Variants in LRRTM4 observed in about 807,000 individuals in gnomAD.
The protein encoded by LRRTM4 is leucine rich repeat transmembrane neuronal 4, also known as leucine-rich repeat transmembrane neuronal protein 4.
A neutral mutation model predicts 47.6 loss-of-function variants in LRRTM4; 25 were observed. The observed-to-expected ratio is 0.53, with a 90% CI of 0.38 to 0.73. The LOEUF (loss-of-function observed/expected upper bound fraction) is 0.73. Among genes scored for constraint, LRRTM4 ranks in the 30% least tolerant of loss-of-function variants. The pLI, the probability that LRRTM4 is intolerant of heterozygous loss-of-function variation, is 0.00. For synonymous variants in LRRTM4, 311 were observed against 269.5 expected (o/e 1.15, Z -1.51); for missense variants, 638 against 713.4 (o/e 0.89, Z 1.20).
chr2:76,861,745 G>T (rs76236040), intron 3 of LRRTM4, among the ~76,000 whole-genome samples: 6,014 of 152,218 alleles, frequency 0.04, 385 homozygotes, highest in African/African-American at 0.14. Flanking sequence ...AAGCCTTTTA[G>T]TGCTTATAAC....
intron 3 of LRRTM4, among the ~76,000 whole-genome samples, chr2:76,928,878 A>T (rs1674673718): frequency 6.6e-6 from 1 of 152,158 alleles, no homozygotes. Flanking sequence ...ATAAAATCAT[A>T]TTAATATATT....
In LRRTM4 at chr2:76,981,534, G is replaced by A. The variant is rs543391779; in HGVS notation, c.1552-232618C>T. On this transcript the variant is annotated intron_variant, in intron 3 of 3. Transcript: ENST00000409884. ...GTTTTGGATAGGATCTTGCTCTGTC[G>A]CCTAGACTGAAGTGCAGTGGTGCCA... Among the ~76,000 whole-genome samples the A allele has an allele frequency of 1.9e-4, 29 of 152,072 alleles. 1 individual carries two copies. Among genetic ancestry groups the A allele is most frequent in the Admixed American group, 4.6e-4 (7 of 15,256 alleles).
At chr2:76,971,314 C>A (rs1367662364) in intron 3 of LRRTM4, among the ~76,000 whole-genome samples, 1 of 152,052 alleles carries the variant, frequency 6.6e-6, no homozygotes, top group Non-Finnish European at 1.5e-5. Flanking sequence ...GTACCTCTGA[C>A]AAGCTCCCCA....
At chr2:77,469,086 C>G (rs1275632771) in intron 3 of LRRTM4, among the ~76,000 whole-genome samples, 1 of 152,180 alleles carries the variant, frequency 6.6e-6, no homozygotes, top group East Asian at 1.9e-4. Flanking sequence ...CCAACTTCAG[C>G]TAGTTTCTTT....
chr2:76,818,516 C>T (rs1670965687), intron 3 of LRRTM4, among the ~76,000 whole-genome samples: 2 of 151,838 alleles, frequency 1.3e-5, no homozygotes. Context: ...AAAACTATTA[C>T]ACATTGAAAG....
At chr2:76,883,045 A>G (rs1032121594) in intron 3 of LRRTM4, among the ~76,000 whole-genome samples, 88 of 152,190 alleles carry the variant, frequency 5.8e-4, no homozygotes, top group Non-Finnish European at 8.8e-5. Context: ...TACCATGGCC[A>G]TAGACACTCC....
At chr2:77,264,096 AAGT>A (rs1219255927) in intron 3 of LRRTM4, among the ~76,000 whole-genome samples, 2 of 152,124 alleles carry the variant, frequency 1.3e-5, no homozygotes, top group Non-Finnish European at 2.9e-5. Context: ...GCATATGGGA[AAGT>A]GTATTACTGA....
At chr2:77,467,183 T>A (rs945718474) in intron 3 of LRRTM4, among the ~76,000 whole-genome samples, 3 of 152,172 alleles carry the variant, frequency 2.0e-5, no homozygotes, top group Non-Finnish European at 4.4e-5. Context: ...GGTTAAAAGA[T>A]GTGTCTCATC....
chr2:77,472,767 A>G lies in LRRTM4; in HGVS notation c.1551+45551T>C, dbSNP rs142945367. On this transcript the variant is annotated intron_variant, in intron 3 of 3. Coordinates refer to ENST00000409884, the MANE Select transcript of LRRTM4 (RefSeq NM_001134745.3). ...ATTGTCAGTGCTAAGGTGTGAAACC[A>G]GGTACTGGTTTGATTTCCTAACCAT... Among the ~76,000 whole-genome samples the G allele has an allele frequency of 6.1e-3, 928 of 152,274 alleles. 14 individuals carry two copies. Among genetic ancestry groups the G allele is most frequent in the African/African-American group, 0.021 (863 of 41,556 alleles).
At chr2:76,768,666 C>T (rs1000551416) in intron 3 of LRRTM4, among the ~76,000 whole-genome samples, 2 of 151,998 alleles carry the variant, frequency 1.3e-5, no homozygotes, top group Admixed American at 1.3e-4. Context: ...ATTTTTTCCT[C>T]TTATAGGTAC....
chr2:77,309,363 A>G (rs1677382292), intron 3 of LRRTM4, among the ~76,000 whole-genome samples: 1 of 152,218 alleles, frequency 6.6e-6, no homozygotes, highest in Admixed American at 6.5e-5. Context: ...ATGTAAAAAC[A>G]CATTCAAATG....
intron 3 of LRRTM4, among the ~76,000 whole-genome samples, chr2:76,776,654 A>C (rs1415628468): frequency 1.3e-5 from 2 of 150,152 alleles, no homozygotes; most frequent in African/African-American, 4.9e-5. Flanking sequence ...GATTCTGGAT[A>C]TTAGCCCTTT....
At position 76,999,453 on chromosome 2, in the gene LRRTM4, A is replaced by AC. The variant is rs559629614; in HGVS notation, c.1552-250538_1552-250537insG. Among the ~76,000 whole-genome samples the AC allele has an allele frequency of 1.4e-3, 212 of 151,980 alleles. 3 individuals are homozygous for AC. Among genetic ancestry groups the AC allele is most frequent in the Middle Eastern group, 0.01 (3 of 294 alleles). On this transcript the variant is annotated intron_variant, in intron 3 of 3. Transcript: ENST00000409884. Reference sequence around the variant, plus strand: ...AAAACACAAAAGGAAACAAAACAAAAAAAAAAAGCGTTGGTGAGGAGTTTG... The same window carrying AC: ...AAAACACAAAAGGAAACAAAACAAAACAAAAAAAGCGTTGGTGAGGAGTTTG...
At chr2:77,141,653 G>A (rs775601380) in intron 3 of LRRTM4, among the ~76,000 whole-genome samples, 1 of 152,080 alleles carries the variant, frequency 6.6e-6, no homozygotes, top group Non-Finnish European at 1.5e-5. Context: ...TCCAAACTAT[G>A]AGCTAGACAT....
At chr2:76,976,470 C>G (rs1676421819) in intron 3 of LRRTM4, among the ~76,000 whole-genome samples, 1 of 151,594 alleles carries the variant, frequency 6.6e-6, no homozygotes. Context: ...AATTATGAGA[C>G]AAAATGTTAA....
chr2:77,168,999 C>G (rs1445912290), intron 3 of LRRTM4, among the ~76,000 whole-genome samples: 1 of 151,974 alleles, frequency 6.6e-6, no homozygotes, highest in African/African-American at 2.4e-5. Flanking sequence ...TTTAACATAT[C>G]CAGAAAAGCA....
intron 3 of LRRTM4, among the ~76,000 whole-genome samples, chr2:77,123,011 T>G (rs2103959118): frequency 6.6e-6 from 1 of 152,004 alleles, no homozygotes; most frequent in African/African-American, 2.4e-5. Flanking sequence ...CATGGCTCAA[T>G]GTGTTAAGAA....
At chr2:76,866,858 C>T (rs1672484402) in intron 3 of LRRTM4, among the ~76,000 whole-genome samples, 1 of 152,026 alleles carries the variant, frequency 6.6e-6, no homozygotes, top group Non-Finnish European at 1.5e-5. Flanking sequence ...TGGGTATATA[C>T]CCAGTAATGG....
intron 3 of LRRTM4, among the ~76,000 whole-genome samples, chr2:76,919,324 T>A (rs1212620868): frequency 6.6e-6 from 1 of 152,258 alleles, no homozygotes; most frequent in African/African-American, 2.4e-5. Flanking sequence ...GTGATCAAAC[T>A]GGTACCTCAT....
Sources: allele counts gnomAD v4.1 joint callset (sites outside exome capture counted in the v4.1 genomes callset), GRCh38; gene constraint gnomAD v4.1.1; transcripts MANE v1.5; gene names NCBI Gene and HGNC (gene_info 2026-07-23, HGNC 2026-07-21).